The following DCC variants were observed in gnomAD, a reference collection of about 807,000 sequenced individuals.
The protein encoded by DCC is DCC netrin 1 receptor.
Under a neutral mutation model 172.5 loss-of-function variants are expected in DCC, and 58 were observed. That is an observed-to-expected ratio of 0.34 (90% confidence interval 0.27 to 0.42). DCC has a LOEUF of 0.42. DCC is among the 10% of genes least tolerant of loss of function. The pLI, the probability that DCC is intolerant of heterozygous loss-of-function variation, is 1.00. For synonymous variants in DCC, 709 were observed against 644.5 expected (o/e 1.10, Z -1.52); for missense variants, 1,740 against 1,791.0 (o/e 0.97, Z 0.51).
At position 52,411,929 on chromosome 18, in the gene DCC, C is replaced by T. The variant is rs772268294; in HGVS notation, c.91+71051C>T. ...AACAAACCCCAAATATTCCATGCAT[C>T]TCAGCCCACGTTCAAAGTGCCTCAT... On this transcript the variant is annotated intron_variant, in intron 1 of 28. Coordinates refer to ENST00000442544, the MANE Select transcript of DCC (RefSeq NM_005215.4). Among the ~76,000 whole-genome samples, 4 of 152,124 alleles carry T rather than the reference C, an allele frequency of 2.6e-5. No individual in the cohort carries two copies. The South Asian group carries it at 8.3e-4, about 32-fold the overall frequency.
chr18:53,512,244 G>T (rs2046266101), intron 27 of DCC, among the ~76,000 whole-genome samples: 2 of 151,402 alleles, frequency 1.3e-5, no homozygotes, highest in African/African-American at 4.9e-5. Context: ...ACCTGCAGCT[G>T]AGGGTCCTGT....
intron 15 of DCC, among the ~76,000 whole-genome samples, chr18:53,384,251 C>T (rs976939964): frequency 2.0e-5 from 3 of 152,066 alleles, no homozygotes; most frequent in African/African-American, 4.8e-5. Flanking sequence ...CTTTGAATTA[C>T]ATTTTCTTAT....
At chr18:53,083,021 ATT>A (rs5824989) in intron 7 of DCC, among the ~76,000 whole-genome samples, 2 of 150,480 alleles carry the variant, frequency 1.3e-5, no homozygotes, top group African/African-American at 4.9e-5. Context: ...TTCTAAGGTC[ATT>A]TTTTTTTTAC....
In DCC at chr18:53,157,379, C is replaced by T. The variant is rs2054757647; in HGVS notation, c.1285C>T (p.Pro429Ser). The change falls in exon 8 of 29, where the codon CCT (proline) becomes TCT (serine). Residue 429 changes from proline (P) to serine (S), a missense_variant. This residue lies in a region of DCC where 1,732 missense variants were observed against 1,767.4 expected (regional missense o/e 0.98). Coordinates refer to ENST00000442544, the MANE Select transcript of DCC (RefSeq NM_005215.4). ...KPAIPSSSVLPSAPRDVVPVL... is the reference protein window; with the variant it reads ...KPAIPSSSVLSSAPRDVVPVL... Reference sequence around the variant, plus strand: ...AGCTATCCCAAGCTCCAGTGTCCTCCCTTCGGCTCCCAGAGATGTGGTCCC... The same window carrying T: ...AGCTATCCCAAGCTCCAGTGTCCTCTCTTCGGCTCCCAGAGATGTGGTCCC... 1.2e-6 allele frequency: 2 copies of T among 1,613,990 alleles called. No homozygotes were observed. Among genetic ancestry groups the T allele is most frequent in the South Asian group, 2.2e-5 (2 of 91,078 alleles).
intron 2 of DCC, among the ~76,000 whole-genome samples, chr18:52,771,430 CCTT>C (rs1367697249): frequency 2.8e-4 from 43 of 152,192 alleles, no homozygotes; most frequent in Non-Finnish European, 1.3e-4. Flanking sequence ...GAGCCACTAG[CCTT>C]CTTCTCCTTC....
chr18:52,935,847 G>T (rs766768281), intron 5 of DCC, among the ~76,000 whole-genome samples: 5 of 152,042 alleles, frequency 3.3e-5, no homozygotes, highest in Non-Finnish European at 7.4e-5. Context: ...TATTTTGAAT[G>T]GAGTTCTTTT....
intron 7 of DCC, among the ~76,000 whole-genome samples, chr18:53,117,091 G>A (rs1489415465): frequency 6.6e-6 from 1 of 151,630 alleles, no homozygotes; most frequent in East Asian, 2.0e-4. Context: ...GAGAATACCT[G>A]AACTAAGCTT....
intron 7 of DCC, among the ~76,000 whole-genome samples, chr18:53,075,582 G>A (rs2042715134): frequency 6.7e-6 from 1 of 149,490 alleles, no homozygotes; most frequent in Non-Finnish European, 1.5e-5. Flanking sequence ...AGTAGAAAAA[G>A]CGGAAGAGAA....
intron 7 of DCC, among the ~76,000 whole-genome samples, chr18:53,093,026 T>C (rs941562410): frequency 6.6e-6 from 1 of 152,086 alleles, no homozygotes; most frequent in African/African-American, 2.4e-5. Flanking sequence ...ATCCCAGCAC[T>C]TTGGGAGGCC....
chr18:52,512,269 C>T (rs1040134604), intron 1 of DCC, among the ~76,000 whole-genome samples: 1 of 152,154 alleles, frequency 6.6e-6, no homozygotes, highest in Non-Finnish European at 1.5e-5. Context: ...AGTCCTCCAT[C>T]TACATTTCCT....
chr18:53,435,470 G>A (rs538688273), intron 22 of DCC, among the ~76,000 whole-genome samples: 1 of 152,238 alleles, frequency 6.6e-6, no homozygotes, highest in East Asian at 1.9e-4. Context: ...GAGAAGCCCA[G>A]CATGGAGCAC....
intron 26 of DCC, among the ~76,000 whole-genome samples, chr18:53,496,394 A>G (rs916868412): frequency 6.6e-6 from 1 of 152,246 alleles, no homozygotes; most frequent in Non-Finnish European, 1.5e-5. Context: ...ACTAACAAAC[A>G]GAAAGGAATA....
Position 52,439,171 on chromosome 18 carries a change from G to GTTTT in DCC, c.91+98294_91+98297dup, listed in dbSNP as rs201054592. 1.8e-3 allele frequency among the ~76,000 whole-genome samples: 100 copies of GTTTT among 55,228 alleles called. 1 individual carries two copies. The East Asian group carries it at 0.032, about 18-fold the overall frequency. The allele number at this position is 55,228 out of a possible 152,430, so 36.2% of individuals were successfully genotyped here. ...CCACTGTTAATATTTTGGAAGATAT[G>GTTTT]TTTTGTGTGTGTGTGTGTGTGTGTG... On this transcript the variant is annotated intron_variant, in intron 1 of 28. Coordinates refer to ENST00000442544, the MANE Select transcript of DCC (RefSeq NM_005215.4).
Position 53,353,488 on chromosome 18 carries a change from C to T in DCC, c.2359+13581C>T, listed in dbSNP as rs546139128. ...CTACACAGTTAGCAATTTTGGTGCT[C>T]TTCAGTCCTTCTTGTTATTTTAGAT... On this transcript the variant is annotated intron_variant, in intron 15 of 28. Coordinates refer to ENST00000442544, the MANE Select transcript of DCC (RefSeq NM_005215.4). Among the ~76,000 whole-genome samples, 12 of 151,998 alleles carry T rather than the reference C, an allele frequency of 7.9e-5. No homozygotes were observed. The East Asian group carries it at 2.3e-3, about 29-fold the overall frequency.
chr18:53,171,749 T>A (rs944867875), intron 8 of DCC, among the ~76,000 whole-genome samples: 25 of 151,556 alleles, frequency 1.6e-4, no homozygotes, highest in Non-Finnish European at 2.9e-5. Context: ...AAAGAACACA[T>A]ACAAACAGCA....
chr18:52,665,906 CA>C, intron 1 of DCC, among the ~76,000 whole-genome samples: 1 of 152,278 alleles, frequency 6.6e-6, no homozygotes, highest in South Asian at 2.1e-4. Context: ...TTCACTTGCT[CA>C]AATTAATTCA....
At chr18:52,844,957 G>A (rs1442837296) in intron 2 of DCC, among the ~76,000 whole-genome samples, 2 of 152,176 alleles carry the variant, frequency 1.3e-5, no homozygotes, top group African/African-American at 4.8e-5. Flanking sequence ...CTTTGGTAAA[G>A]GAAGGAGAAG....
chr18:52,356,977 G>T (rs971620487), intron 1 of DCC, among the ~76,000 whole-genome samples: 2 of 152,098 alleles, frequency 1.3e-5, no homozygotes, highest in Non-Finnish European at 2.9e-5. Context: ...TAGAGACAGG[G>T]TTTCACCATG....
chr18:52,778,345 G>A (rs1164798363), intron 2 of DCC, among the ~76,000 whole-genome samples: 1 of 151,986 alleles, frequency 6.6e-6, no homozygotes, highest in Admixed American at 6.6e-5. Context: ...ATGAATCTTG[G>A]GGTGTCTTTA....
Sources: allele counts gnomAD v4.1 joint callset (sites outside exome capture counted in the v4.1 genomes callset), GRCh38; gene constraint gnomAD v4.1.1; regional missense constraint gnomAD v4.1.1; transcripts MANE v1.5; gene names NCBI Gene and HGNC (gene_info 2026-07-23, HGNC 2026-07-21).